ECHDC1: variants seen among roughly 807,000 people sequenced by gnomAD.
ECHDC1 encodes the protein ethylmalonyl-CoA decarboxylase.
In ECHDC1, 29 loss-of-function variants were observed where a neutral mutation model predicts 29.7. That is an observed-to-expected ratio of 0.98 (90% CI 0.73 to 1.33). The LOEUF (loss-of-function observed/expected upper bound fraction) is 1.33, where lower values mean the gene tolerates loss of function less well. ECHDC1 is among the 40% of genes most tolerant of loss of function. The pLI is 0.00. For missense variants in ECHDC1, 328 were observed against 350.0 expected (o/e 0.94, Z 0.50); for synonymous variants, 126 against 123.1 (o/e 1.02, Z -0.15).
At chr6:127,301,511 A>C (rs1184213520) in intron 5 of ECHDC1, among the ~76,000 whole-genome samples, 1 of 152,232 alleles carries the variant, frequency 6.6e-6, no homozygotes, top group Non-Finnish European at 1.5e-5. Context: ...GAACAAGCAG[A>C]CATTCTTAGG....
intron 5 of ECHDC1, among the ~76,000 whole-genome samples, chr6:127,312,866 A>G (rs868608342): frequency 6.6e-6 from 1 of 152,226 alleles, no homozygotes; most frequent in Non-Finnish European, 1.5e-5. Context: ...GACACATGGT[A>G]CAACATGGAT....
intron 5 of ECHDC1, chr6:127,313,356 C>A: frequency 3.5e-6 from 1 of 283,968 alleles, no homozygotes; most frequent in Non-Finnish European, 7.2e-6. Flanking sequence ...GCATGTGCCA[C>A]CACACCTGGC....
intron 1 of ECHDC1, chr6:127,331,751 G>T: frequency 1.2e-6 from 1 of 860,336 alleles, no homozygotes; most frequent in Non-Finnish European, 1.4e-6. Context: ...GTGTCCCCTT[G>T]GAAACAGCCT....
At chr6:127,318,854 C>A (rs1782607757) in intron 3 of ECHDC1, among the ~76,000 whole-genome samples, 1 of 152,212 alleles carries the variant, frequency 6.6e-6, no homozygotes, top group Non-Finnish European at 1.5e-5. Flanking sequence ...ATTTCCTAAT[C>A]CAAAGCTGTT....
intron 5 of ECHDC1, among the ~76,000 whole-genome samples, chr6:127,300,528 T>C (rs935725635): frequency 1.3e-5 from 2 of 152,084 alleles, no homozygotes; most frequent in Non-Finnish European, 2.9e-5. Flanking sequence ...AGCATAAGGA[T>C]AAATAAGAGA....
At chr6:127,307,648 G>GGAAAAAAAAAAAAAA (rs577414287) in intron 5 of ECHDC1, among the ~76,000 whole-genome samples, 1 of 48,662 alleles carries the variant, frequency 2.1e-5, no homozygotes, top group Non-Finnish European at 4.3e-5. Flanking sequence ...CTCTGTCTCA[G>GGAAAAAAAAAAAAAA]AAAAAAAAAA....
At chr6:127,295,255 T>C (rs1216647200) in intron 5 of ECHDC1, among the ~76,000 whole-genome samples, 2 of 152,182 alleles carry the variant, frequency 1.3e-5, no homozygotes, top group African/African-American at 2.4e-5. Flanking sequence ...TAAGAACGTT[T>C]ACAGCTCCCT....
intron 5 of ECHDC1, among the ~76,000 whole-genome samples, chr6:127,309,909 T>G (rs984003442): frequency 2.0e-5 from 3 of 152,096 alleles, no homozygotes; most frequent in African/African-American, 7.2e-5. Flanking sequence ...TACGCACTTA[T>G]CATGAGAAGA....
At chr6:127,329,863 T>C (rs1459334708) in intron 2 of ECHDC1, 1 of 455,746 alleles carries the variant, frequency 2.2e-6, no homozygotes, top group East Asian at 7.0e-5. Context: ...AGCACTGGTA[T>C]AGAGAAATCT....
intron 1 of ECHDC1, among the ~76,000 whole-genome samples, chr6:127,332,798 G>A (rs1784080687): frequency 6.6e-6 from 1 of 151,756 alleles, no homozygotes; most frequent in East Asian, 1.9e-4. Context: ...TTGGGGGCAG[G>A]GGAGGGGTGT....
chr6:127,289,584 G>A lies in ECHDC1; in HGVS notation c.*285C>T. ...TATAGAAGCTCTCCTTTTAAACACT[G>A]CTCTTTGGTTATAAGCTAAGAATTA... On this transcript the variant is annotated 3_prime_UTR_variant, in exon 6 of 6. Transcript: ENST00000454859. 2 of 296,914 alleles carry A rather than the reference G, an allele frequency of 6.7e-6. No homozygotes were observed. The highest frequency in any genetic ancestry group is 1.2e-5 in the Non-Finnish European group (2 of 160,180). 18.4% of individuals were successfully genotyped at this position (296,914 alleles called of 1,614,324 possible). A position where few individuals can be genotyped will look rare whatever the true frequency, so the allele number is the denominator to read the frequency against.
At chr6:127,343,138 G>C (rs550748113) in intron 1 of ECHDC1, 198 bp downstream of exon 1, 4 of 152,200 alleles carry the variant, frequency 2.6e-5, no homozygotes, top group Non-Finnish European at 4.4e-5. Flanking sequence ...CGTGGCGCTC[G>C]GCACCGCGTC....
intron 4 of ECHDC1, chr6:127,316,116 T>C: frequency 2.1e-6 from 1 of 474,192 alleles, no homozygotes; most frequent in Admixed American, 2.4e-5. Flanking sequence ...TTATGTGTCA[T>C]GTCTTGATCA....
At chr6:127,336,519 T>C (rs1784439163) in intron 1 of ECHDC1, among the ~76,000 whole-genome samples, 1 of 152,180 alleles carries the variant, frequency 6.6e-6, no homozygotes, top group Non-Finnish European at 1.5e-5. Flanking sequence ...AAAGGAAGTA[T>C]TTCTGAAATT....
At chr6:127,311,470 T>A (rs1214657427) in intron 5 of ECHDC1, among the ~76,000 whole-genome samples, 1 of 150,076 alleles carries the variant, frequency 6.7e-6, no homozygotes, top group African/African-American at 2.4e-5. Flanking sequence ...AGGTCAGGAG[T>A]TCGAGACCAA....
Position 127,316,462 on chromosome 6 carries a change from G to A in ECHDC1, c.404C>T (p.Thr135Ile), listed in dbSNP as rs183711902. 165 of 1,604,560 alleles carry A rather than the reference G, an allele frequency of 1.0e-4. 1 individual carries two copies. The East Asian group carries it at 3.5e-3, about 34-fold the overall frequency. ...AVCMFMQNTL[T>I]RFMRLPLISV... ...AAGGCTGCATTACCTCATAAATCTT[G>A]TTAAGGTGTTTTGCATGAACATGCA... Residue 135 changes from threonine (T) to isoleucine (I), a missense_variant, in exon 4 of 6, where the codon ACA (threonine) becomes ATA (isoleucine). Thr to Ile is a moderately conservative substitution (Grantham distance 89). Transcript: ENST00000454859.
chr6:127,323,393 T>C (rs1783011811), intron 3 of ECHDC1, among the ~76,000 whole-genome samples: 1 of 152,094 alleles, frequency 6.6e-6, no homozygotes, highest in South Asian at 2.1e-4. Context: ...TTAAGTCTAG[T>C]GGGGTGCTAC....
At chr6:127,292,381 G>A (rs1780267026) in intron 5 of ECHDC1, among the ~76,000 whole-genome samples, 1 of 151,980 alleles carries the variant, frequency 6.6e-6, no homozygotes, top group African/African-American at 2.4e-5. Context: ...ATAAGGTAAA[G>A]TGTGTCTTTT....
chr6:127,299,925 G>A (rs1006940464), intron 5 of ECHDC1, among the ~76,000 whole-genome samples: 5 of 151,942 alleles, frequency 3.3e-5, no homozygotes, highest in Admixed American at 3.3e-4. Context: ...TGTTACAACT[G>A]CCTATAGTAT....
Sources: gnomAD v4.1 joint callset for allele counts (sites outside exome capture counted in the v4.1 genomes callset) on GRCh38, gnomAD v4.1.1 for gene constraint, MANE v1.5 for transcripts, NCBI Gene and HGNC (gene_info 2026-07-23, HGNC 2026-07-21) for gene names.